SORCS1: variants seen among roughly 807,000 people sequenced by gnomAD.
SORCS1 encodes sortilin related VPS10 domain containing receptor 1.
A neutral mutation model predicts 146.1 loss-of-function variants in SORCS1; 60 were observed. The observed-to-expected ratio is 0.41, with a 90% CI of 0.33 to 0.51. The LOEUF (loss-of-function observed/expected upper bound fraction) is 0.51, where lower values mean the gene tolerates loss of function less well. SORCS1 is among the 20% of genes least tolerant of loss of function. The probability of loss-of-function intolerance (pLI) is 0.21; values close to 1 mark genes in which losing one functional copy is unlikely to be tolerated. For missense variants in SORCS1, 1,352 were observed against 1,487.6 expected (o/e 0.91, Z 1.50); for synonymous variants, 637 against 584.0 (o/e 1.09, Z -1.31).
intron 18 of SORCS1, among the ~76,000 whole-genome samples, chr10:106,648,814 C>T (rs1365854124): frequency 6.6e-6 from 1 of 151,996 alleles, no homozygotes; most frequent in East Asian, 1.9e-4. Flanking sequence ...TGCCTTTGCA[C>T]CCAAATGTTG....
intron 1 of SORCS1, among the ~76,000 whole-genome samples, chr10:107,038,397 G>A (rs57692317): frequency 6.7e-6 from 1 of 150,106 alleles, no homozygotes; most frequent in Non-Finnish European, 1.5e-5. Context: ...GTCGTGGGGT[G>A]GGTGGGGGGG....
At chr10:106,657,144 C>T (rs772295553) in intron 17 of SORCS1, among the ~76,000 whole-genome samples, 1 of 152,192 alleles carries the variant, frequency 6.6e-6, no homozygotes, top group African/African-American at 2.4e-5. Context: ...AGCAAAAAGA[C>T]ACCTGTACAT....
intron 2 of SORCS1, among the ~76,000 whole-genome samples, chr10:106,894,740 T>C (rs1951398273): frequency 3.3e-5 from 5 of 152,180 alleles, no homozygotes; most frequent in Admixed American, 2.0e-4. Context: ...CTTTCTAAGC[T>C]GGTAAAATAA....
chr10:106,999,235 C>T (rs1174800708), intron 1 of SORCS1, among the ~76,000 whole-genome samples: 1 of 152,090 alleles, frequency 6.6e-6, no homozygotes, highest in Non-Finnish European at 1.5e-5. Context: ...GACACACACA[C>T]CACTGCCACC....
intron 2 of SORCS1, among the ~76,000 whole-genome samples, chr10:106,910,339 T>A (rs28557240): frequency 4.7e-5 from 5 of 106,924 alleles, no homozygotes; most frequent in South Asian, 2.8e-4. Context: ...ATATAGAGAG[T>A]GAGCGAGCTC....
intron 4 of SORCS1, 96 bp from the exon 5 acceptor site, chr10:106,761,757 C>A (rs141910096): frequency 9.5e-7 from 1 of 1,051,152 alleles, no homozygotes; most frequent in Admixed American, 1.8e-5. Context: ...TAATAATACC[C>A]AACATTTACT....
Position 107,060,869 on chromosome 10 carries a change from TCTAAA to T in SORCS1, c.558+103095_558+103099del, listed in dbSNP as rs1319694969. On this transcript the variant is annotated intron_variant, in intron 1 of 25. Coordinates refer to ENST00000263054, the MANE Select transcript of SORCS1 (RefSeq NM_052918.5). The surrounding 1 kb of genome is among the most constrained non-coding windows in gnomAD (Gnocchi z 4.1). ...AGTTAATTTTATTGAATCACAAGCC[TCTAAA>T]CTAATGTCTTAAAAATTCTCAATAA... Among the ~76,000 whole-genome samples the T allele has an allele frequency of 1.3e-5, 2 of 152,130 alleles. No individual in the cohort carries two copies. Among genetic ancestry groups the T allele is most frequent in the Non-Finnish European group, 1.5e-5 (1 of 68,026 alleles).
chr10:106,605,274 A>G (rs72821153), intron 23 of SORCS1, among the ~76,000 whole-genome samples: 4,572 of 152,376 alleles, frequency 0.03, 73 homozygotes, highest in Middle Eastern at 0.054. Flanking sequence ...AGTCAAAGCA[A>G]GACACATCCA....
chr10:106,607,057 G>A (rs1846650832), intron 23 of SORCS1, 109 bp downstream of exon 23: 3 of 1,436,558 alleles, frequency 2.1e-6, no homozygotes, highest in Non-Finnish European at 2.8e-6. Context: ...TGCTTTTGGT[G>A]AAGCTGTAGT....
chr10:106,988,894 C>A lies in SORCS1; in HGVS notation c.559-32314G>T, dbSNP rs370078854. On this transcript the variant is annotated intron_variant, in intron 1 of 25. Coordinates refer to ENST00000263054, the MANE Select transcript of SORCS1 (RefSeq NM_052918.5). ...TAGAGAATATTCTATAAAATAGAAT[C>A]TTGTACTGATGAGACAAGGATCAAA... Among the ~76,000 whole-genome samples the A allele has an allele frequency of 3.3e-5, 5 of 152,128 alleles. No homozygotes were observed. In the South Asian group the frequency reaches 6.2e-4, roughly 19 times the overall value.
intron 1 of SORCS1, among the ~76,000 whole-genome samples, chr10:107,035,334 G>T (rs1958861431): frequency 1.3e-5 from 2 of 151,492 alleles, no homozygotes; most frequent in Admixed American, 1.3e-4. Context: ...GTTCTCTTTG[G>T]AGGAAAGCAT....
intron 24 of SORCS1, among the ~76,000 whole-genome samples, chr10:106,587,172 T>C (rs1372004715): frequency 6.6e-6 from 1 of 152,190 alleles, no homozygotes; most frequent in Non-Finnish European, 1.5e-5. Flanking sequence ...AATATATTTA[T>C]TTTGGGGAAA....
At chr10:106,620,299 A>G in intron 20 of SORCS1, 129 bp downstream of exon 20, 1 of 1,175,310 alleles carries the variant, frequency 8.5e-7, no homozygotes, top group Non-Finnish European at 1.2e-6. Flanking sequence ...GCACCAAGGG[A>G]GCTTGTTGTC....
chr10:106,649,144 A>G (rs1474120321), intron 18 of SORCS1, among the ~76,000 whole-genome samples: 1 of 152,180 alleles, frequency 6.6e-6, no homozygotes, highest in Non-Finnish European at 1.5e-5. Flanking sequence ...CAGTGCACCA[A>G]GGTAAGAACC....
At chr10:106,912,086 C>T (rs1313074769) in intron 2 of SORCS1, among the ~76,000 whole-genome samples, 4 of 146,154 alleles carry the variant, frequency 2.7e-5, no homozygotes, top group African/African-American at 1.0e-4. Context: ...GCACTCCAGC[C>T]TGAGCGACAG....
intron 1 of SORCS1, among the ~76,000 whole-genome samples, chr10:107,133,676 T>G (rs1806281222): frequency 1.3e-5 from 2 of 151,126 alleles, no homozygotes; most frequent in Admixed American, 6.6e-5. Flanking sequence ...ATTTCTTACT[T>G]TCTTCCCTTG....
At chr10:106,611,217 C>T (rs1477705790) in intron 22 of SORCS1, among the ~76,000 whole-genome samples, 1 of 152,142 alleles carries the variant, frequency 6.6e-6, no homozygotes, top group African/African-American at 2.4e-5. Context: ...CCTTAGGAAG[C>T]TTTGTCAAAT....
chr10:106,701,948 A>ACATCCCTT, intron 8 of SORCS1, among the ~76,000 whole-genome samples: 1 of 152,236 alleles, frequency 6.6e-6, no homozygotes, highest in East Asian at 1.9e-4. Flanking sequence ...GTGAGCCCTT[A>ACATCCCTT]CATCCCTTTT....
chr10:106,640,441 G>A (rs1248840224), intron 18 of SORCS1, among the ~76,000 whole-genome samples: 1 of 152,182 alleles, frequency 6.6e-6, no homozygotes, highest in Non-Finnish European at 1.5e-5. Flanking sequence ...ACAGATCAAA[G>A]TTTTAATTTT....
Sources: allele counts gnomAD v4.1 joint callset (sites outside exome capture counted in the v4.1 genomes callset), GRCh38; gene constraint gnomAD v4.1.1; non-coding constraint Gnocchi (gnomAD v3.1); transcripts MANE v1.5; gene names NCBI Gene and HGNC (gene_info 2026-07-23, HGNC 2026-07-21).